The following TAF1 variants were observed in gnomAD, a reference collection of about 807,000 sequenced individuals.
The protein encoded by TAF1 is transcription initiation factor TFIID subunit 1.
Under a neutral mutation model 138.5 loss-of-function variants are expected in TAF1, and 2 were observed. That is an observed-to-expected ratio of 0.01 (90% CI 0.01 to 0.05). TAF1 has a LOEUF of 0.05. TAF1 is among the 10% of genes least tolerant of loss of function. The pLI, the probability that TAF1 is intolerant of heterozygous loss-of-function variation, is 1.00. For synonymous variants in TAF1, 437 were observed against 503.2 expected (o/e 0.87, Z 1.76); for missense variants, 709 against 1,478.0 (o/e 0.48, Z 8.53).
At chrX:71,383,300 G>A (rs974515249) in intron 12 of TAF1, 136 bp downstream of exon 12, 5 of 760,241 alleles carry the variant, frequency 6.6e-6, no homozygotes, top group Non-Finnish European at 5.4e-6. Flanking sequence ...TGGTTATTTA[G>A]GAGAATGTCT....
intron 32 of TAF1, among the ~76,000 whole-genome samples, chrX:71,442,511 T>G (rs2037479879): frequency 8.9e-6 from 1 of 112,322 alleles, no homozygotes; most frequent in Non-Finnish European, 1.9e-5. Flanking sequence ...TTGATGGGGT[T>G]GTTTGATTTT....
Position 71,464,106 on chromosome X carries a change from T to G in TAF1, c.*60T>G. On this transcript the variant is annotated 3_prime_UTR_variant, in exon 38 of 38. Transcript: ENST00000423759. ...GTTCTCCAGCCTAGGTGGTTCACCT[T>G]TCCCCAATTTGTTCATATTTGTACA... 3.9e-6 allele frequency: 4 copies of G among 1,035,409 alleles called. No homozygotes were observed. Among genetic ancestry groups the G allele is most frequent in the Non-Finnish European group, 5.3e-6 (4 of 757,950 alleles). The allele number at this position is 1,035,409 out of a possible 1,213,427, so 85.3% of individuals were successfully genotyped here.
chrX:71,429,235 A>G, intron 32 of TAF1, among the ~76,000 whole-genome samples: 1 of 110,409 alleles, frequency 9.1e-6, no homozygotes, highest in Non-Finnish European at 1.9e-5. Flanking sequence ...AGATCGCATC[A>G]CTGCACTCCA....
chrX:71,474,129 G>T, intron 13 of TAF1, among the ~76,000 whole-genome samples: 1 of 108,899 alleles, frequency 9.2e-6, no homozygotes, highest in Admixed American at 9.9e-5. Context: ...TGGGTGACAA[G>T]AGCAAAACTC....
chrX:71,410,183 G>A (rs1252189900), intron 28 of TAF1, among the ~76,000 whole-genome samples: 1 of 110,519 alleles, frequency 9.0e-6, no homozygotes, highest in Non-Finnish European at 1.9e-5. Flanking sequence ...GAACCACCGC[G>A]CCCGGCCGCA....
chrX:71,483,965 A>G (rs1048797735), intron 13 of TAF1, among the ~76,000 whole-genome samples: 2 of 110,166 alleles, frequency 1.8e-5, no homozygotes, highest in African/African-American at 6.6e-5. Flanking sequence ...CAACCAGGAT[A>G]TTGACATTGA....
intron 13 of TAF1, among the ~76,000 whole-genome samples, chrX:71,502,700 G>T (rs1023392218): frequency 8.9e-6 from 1 of 112,501 alleles, no homozygotes; most frequent in African/African-American, 3.2e-5. Flanking sequence ...CACTTTGGGA[G>T]GCTGAGGCAG....
At chrX:71,399,317 C>T (rs190532951) in intron 24 of TAF1, among the ~76,000 whole-genome samples, 4 of 93,914 alleles carry the variant, frequency 4.3e-5, no homozygotes, top group Middle Eastern at 0.013. Context: ...AGTGCAATGG[C>T]GCGATCTCAG....
At chrX:71,508,410 C>T (rs1024100284) in intron 13 of TAF1, among the ~76,000 whole-genome samples, 4 of 107,293 alleles carry the variant, frequency 3.7e-5, no homozygotes, top group Non-Finnish European at 7.7e-5. Context: ...GGCAACATAA[C>T]AAGACCCTGT....
At chrX:71,495,243 G>A (rs1030077774) in intron 13 of TAF1, among the ~76,000 whole-genome samples, 1 of 111,859 alleles carries the variant, frequency 8.9e-6, no homozygotes, top group African/African-American at 3.2e-5. Context: ...TTGGTCCAGG[G>A]GTCCTCGGTA....
At position 71,389,485 on chromosome X, in the gene TAF1, A is replaced by G. The variant is rs28382175; in HGVS notation, c.2701-100A>G. The stretch of plus-strand genomic sequence containing the variant: ...AGACTTTATGGAATCCATCTATGCA[A>G]AATAGACTTTGGTATTCTGTACTTG... On this transcript the variant is annotated intron_variant, in intron 17 of 37. Coordinates refer to ENST00000423759, the MANE Select transcript of TAF1 (RefSeq NM_004606.5). The G allele has an allele frequency of 1.1e-3, 714 of 656,525 alleles. 1 individual carries two copies. In the African/African-American group the frequency reaches 0.015, roughly 14 times the overall value. 54.1% of individuals were successfully genotyped at this position (656,525 alleles called of 1,213,427 possible).
At chrX:71,383,230 C>T (rs1257067959) in intron 12 of TAF1, 66 bp downstream of exon 12, 2 of 1,092,379 alleles carry the variant, frequency 1.8e-6, no homozygotes, top group Non-Finnish European at 2.5e-6. Flanking sequence ...AGGGAATGTA[C>T]CAGGTATTAG....
chrX:71,409,622 A>G (rs185313822), intron 28 of TAF1, among the ~76,000 whole-genome samples: 1 of 111,088 alleles, frequency 9.0e-6, no homozygotes, highest in East Asian at 2.8e-4. Flanking sequence ...AACTTCTCAT[A>G]CCCTCCTCAG....
intron 28 of TAF1, among the ~76,000 whole-genome samples, chrX:71,420,847 C>T (rs964341998): frequency 1.7e-4 from 19 of 112,456 alleles, no homozygotes; most frequent in Non-Finnish European, 3.2e-4. Flanking sequence ...GTTCCTCAGA[C>T]TCCAGGCCGT....
chrX:71,401,605 G>A lies in TAF1; in HGVS notation c.3864G>A (p.Ala1288=), dbSNP rs748405987. The change falls in exon 25 of 38, where the codon GCG becomes GCA. Residue 1288 remains alanine (A), a synonymous_variant. Coordinates refer to ENST00000423759, the MANE Select transcript of TAF1 (RefSeq NM_004606.5). ...GCCCCCTCTATTATCAAACAAATGCGCCACCTTCCAACCCTGTTGCCATGA... is the reference window on the plus strand; with the variant it reads ...GCCCCCTCTATTATCAAACAAATGCACCACCTTCCAACCCTGTTGCCATGA... ...KFCPLYYQTN[A]PPSNPVAMTE... The A allele has an allele frequency of 9.1e-6, 11 of 1,210,027 alleles. No individual in the cohort carries two copies. The highest frequency in any genetic ancestry group is 2.3e-4 in the Middle Eastern group (1 of 4,375).
chrX:71,429,509 G>A (rs971774406), intron 32 of TAF1, among the ~76,000 whole-genome samples: 8 of 110,690 alleles, frequency 7.2e-5, no homozygotes, highest in African/African-American at 2.3e-4. Context: ...AGGATGCATG[G>A]TGGAATTACG....
chrX:71,369,936 T>C (rs2032914241), intron 3 of TAF1, among the ~76,000 whole-genome samples: 1 of 109,528 alleles, frequency 9.1e-6, no homozygotes. Context: ...TCAAAGATAA[T>C]GAAGTCCGCT....
At chrX:71,506,285 A>G (rs7059541) in intron 13 of TAF1, among the ~76,000 whole-genome samples, 5,449 of 106,442 alleles carry the variant, frequency 0.051, 349 homozygotes, top group African/African-American at 0.18. Context: ...CAGCTACTTG[A>G]GAAGCTGAGG....
Position 71,367,104 on chromosome X carries a change from G to C in TAF1, c.121-395G>C, listed in dbSNP as rs28382148. On this transcript the variant is annotated intron_variant, in intron 1 of 37. Coordinates refer to ENST00000423759, the MANE Select transcript of TAF1 (RefSeq NM_004606.5). ...GAGGAGTGAAGCTGTCGGCCGCTGT[G>C]GCCCCTCCTGTGCCGCAGGCGCATG... Among the ~76,000 whole-genome samples, 548 of 112,120 alleles carry C rather than the reference G, an allele frequency of 4.9e-3. 1 individual carries two copies. The highest frequency in any genetic ancestry group is 0.014 in the Middle Eastern group (3 of 218).
Sources: allele counts gnomAD v4.1 joint callset (sites outside exome capture counted in the v4.1 genomes callset), GRCh38; gene constraint gnomAD v4.1.1; transcripts MANE v1.5; gene names NCBI Gene and HGNC (gene_info 2026-07-23, HGNC 2026-07-21).